Variants in SLC10A4 observed in about 807,000 individuals in gnomAD.
SLC10A4 encodes the protein putative sodium/bile acid cotransporter 4.
In SLC10A4, 17 loss-of-function variants were observed where a neutral mutation model predicts 22.5. The ratio of observed to expected loss-of-function variants is 0.76; its 90% confidence interval spans 0.52 to 1.14. SLC10A4 has a LOEUF of 1.14. Ranked by LOEUF, SLC10A4 falls within the 50% of genes most tolerant of loss-of-function variation. The pLI, the probability that SLC10A4 is intolerant of heterozygous loss-of-function variation, is 0.00. For synonymous variants in SLC10A4, 257 were observed against 258.2 expected (o/e 1.00, Z 0.04); for missense variants, 548 against 584.0 (o/e 0.94, Z 0.64).
Position 48,483,515 on chromosome 4 carries a change from G to A in SLC10A4, c.-47G>A, listed in dbSNP as rs1366972785. On this transcript the variant is annotated 5_prime_UTR_variant, in exon 1 of 3. Transcript: ENST00000273861. The surrounding 1 kb of genome is among the most constrained non-coding windows in gnomAD (Gnocchi z 5.4). ...GACTGCGGCGACCGCGGGACGGCGAGAGGCACGCGGCGGGAGGGGACCGGA... is the reference window on the plus strand; with the variant it reads ...GACTGCGGCGACCGCGGGACGGCGAAAGGCACGCGGCGGGAGGGGACCGGA... 4.2e-6 allele frequency: 6 copies of A among 1,432,656 alleles called. No individual in the cohort carries two copies. Among genetic ancestry groups the A allele is most frequent in the Non-Finnish European group, 5.5e-6 (6 of 1,086,408 alleles). The allele number at this position is 1,432,656 out of a possible 1,614,324, so 88.7% of individuals were successfully genotyped here. A position where few individuals can be genotyped will look rare whatever the true frequency, so the allele number is the denominator to read the frequency against.
At position 48,483,960 on chromosome 4, in the gene SLC10A4, C is replaced by G; in HGVS notation, c.399C>G (p.Val133=). ...ACGTGAACCACTTCGGGGCGCACGT[C>G]CGTCGGCCCGTGGGCGCGCTGCTGG... The part of the protein sequence containing the change: ...TVDVNHFGAH[V]RRPVGALLAA... The change falls in exon 1 of 3, where the codon GTC becomes GTG. Residue 133 remains valine (V), a synonymous_variant. Coordinates refer to ENST00000273861, the MANE Select transcript of SLC10A4 (RefSeq NM_152679.4). This position sits in a 1 kb window ranked among gnomAD's most constrained non-coding sequence, Gnocchi z 5.4. The G allele has an allele frequency of 6.5e-7, 1 of 1,547,010 alleles. No individual in the cohort carries two copies. Among genetic ancestry groups the G allele is most frequent in the East Asian group, 2.4e-5 (1 of 41,668 alleles).
Position 48,488,749 on chromosome 4 carries a change from CG to C in SLC10A4, c.1128del (p.Ile377PhefsTer4). The C allele has an allele frequency of 6.2e-7, 1 of 1,613,872 alleles. No individual in the cohort carries two copies. Among genetic ancestry groups the C allele is most frequent in the Non-Finnish European group, 8.5e-7 (1 of 1,179,996 alleles). On this transcript the variant is annotated frameshift_variant, in exon 3 of 3. Transcript: ENST00000273861. LOFTEE classifies it high-confidence loss of function. ...TATGCACTTTTCCAGTCTGCAGAAG[CG>C]GGGATTTTTGTTTTAATCTATAAAA... ...LLYALFQSAE[A>X]GIFVLIYKMY...
At chr4:48,486,410 G>A (rs1276032306) in intron 2 of SLC10A4, among the ~76,000 whole-genome samples, 2 of 151,532 alleles carry the variant, frequency 1.3e-5, no homozygotes, top group Non-Finnish European at 2.9e-5. Context: ...TGCTATTAAT[G>A]TGATGGCATT....
chr4:48,484,812 G>A, intron 1 of SLC10A4, 120 bp from the exon 2 acceptor site: 1 of 904,724 alleles, frequency 1.1e-6, no homozygotes, highest in Non-Finnish European at 1.7e-6. Flanking sequence ...GTTCTGCCCA[G>A]ACTTCAACCC....
chr4:48,488,675 G>A lies in SLC10A4; in HGVS notation c.1050G>A (p.Leu350=). 1 of 1,613,984 alleles carries A rather than the reference G, an allele frequency of 6.2e-7. No homozygotes were observed. Among genetic ancestry groups the A allele is most frequent in the South Asian group, 1.1e-5 (1 of 91,062 alleles). ...NVQLCTAILK[L]AFPPQFIGSM... The stretch of plus-strand genomic sequence containing the variant: ...AGCTCTGTACAGCCATTCTAAAACT[G>A]GCCTTTCCACCGCAATTCATAGGAA... The change falls in exon 3 of 3, where the codon CTG becomes CTA. Residue 350 remains leucine (L), a synonymous_variant. Transcript: ENST00000273861.
Position 48,489,119 on chromosome 4 carries a change from G to A in SLC10A4, c.*180G>A. On this transcript the variant is annotated 3_prime_UTR_variant, in exon 3 of 3. Transcript: ENST00000273861. The stretch of plus-strand genomic sequence containing the variant: ...ACGTTGTCACAAATTACAAATCAAT[G>A]CTGTAATATAATTTGCACCTGGAAT... 1 of 687,218 alleles carries A rather than the reference G, an allele frequency of 1.5e-6. No homozygotes were observed. Among genetic ancestry groups the A allele is most frequent in the Non-Finnish European group, 2.3e-6 (1 of 444,008 alleles). 42.6% of individuals were successfully genotyped at this position (687,218 alleles called of 1,614,324 possible). A position where few individuals can be genotyped will look rare whatever the true frequency, so the allele number is the denominator to read the frequency against.
chr4:48,487,556 T>C (rs1341861045), intron 2 of SLC10A4, among the ~76,000 whole-genome samples: 1 of 152,196 alleles, frequency 6.6e-6, no homozygotes, highest in Non-Finnish European at 1.5e-5. Flanking sequence ...GATCAGACCA[T>C]ACCTGGGGTA....
rs758112847 is a variant in SLC10A4 at position 48,488,601 on chromosome 4, C to T, written c.976C>T (p.Pro326Ser). The T allele has an allele frequency of 1.2e-6, 2 of 1,614,048 alleles. No homozygotes were observed. The highest frequency in any genetic ancestry group is 1.7e-5 in the Admixed American group (1 of 60,010). ...YGLATLFHLP[P>S]NCKRTVCLET... The stretch of plus-strand genomic sequence containing the variant: ...TTTAGCTACTCTCTTCCATCTTCCA[C>T]CCAACTGCAAGAGGACTGTATGTCT... Residue 326 changes from proline (P) to serine (S), a missense_variant, in exon 3 of 3, where the codon CCC becomes TCC. Physicochemically the swap from Pro to Ser is moderately conservative, Grantham distance 74. This residue lies in a region of SLC10A4 where 314 missense variants were observed against 353.2 expected (regional missense o/e 0.89). Coordinates refer to ENST00000273861, the MANE Select transcript of SLC10A4 (RefSeq NM_152679.4).
Position 48,489,013 on chromosome 4 carries a change from G to A in SLC10A4, c.*74G>A. ...TTTATAGCCTGTGGTAGTGCACATG[G>A]TTAACATAAAAGATAACACTGGTTC... On this transcript the variant is annotated 3_prime_UTR_variant, in exon 3 of 3. Transcript: ENST00000273861. 1 of 1,474,922 alleles carries A rather than the reference G, an allele frequency of 6.8e-7. No individual in the cohort carries two copies. Among genetic ancestry groups the A allele is most frequent in the African/African-American group, 1.4e-5 (1 of 70,754 alleles). The allele number at this position is 1,474,922 out of a possible 1,614,324, so 91.4% of individuals were successfully genotyped here. A position where few individuals can be genotyped will look rare whatever the true frequency, so the allele number is the denominator to read the frequency against.
At chr4:48,485,386 C>A (rs1203809936) in intron 2 of SLC10A4, among the ~76,000 whole-genome samples, 1 of 152,142 alleles carries the variant, frequency 6.6e-6, no homozygotes, top group African/African-American at 2.4e-5. Context: ...ACTATCAGTA[C>A]TCATTGGAAG....
In SLC10A4 at chr4:48,483,401, G is replaced by C; in HGVS notation, c.-161G>C. On this transcript the variant is annotated 5_prime_UTR_variant, in exon 1 of 3. Coordinates refer to ENST00000273861, the MANE Select transcript of SLC10A4 (RefSeq NM_152679.4). The surrounding 1 kb of genome is among the most constrained non-coding windows in gnomAD (Gnocchi z 5.4). ...TGCGGGCGGCTGCAGACCTGGGAGCGGAGACCGGCCCGCCGCCCCCGACGC... is the reference window on the plus strand; with the variant it reads ...TGCGGGCGGCTGCAGACCTGGGAGCCGAGACCGGCCCGCCGCCCCCGACGC... 6.9e-6 allele frequency: 3 copies of C among 435,624 alleles called. 1 individual carries two copies. Among genetic ancestry groups the C allele is most frequent in the South Asian group, 1.4e-4 (2 of 14,794 alleles). The allele number at this position is 435,624 out of a possible 1,614,324, so 27.0% of individuals were successfully genotyped here.
Position 48,484,487 on chromosome 4 carries a change from GTCTGAACTAGAAC to G in SLC10A4, c.590+339_590+351del, listed in dbSNP as rs1718246087. On this transcript the variant is annotated intron_variant, in intron 1 of 2. Transcript: ENST00000273861. Reference sequence around the variant, plus strand: ...CAGTGGAAGACAAAGAGAAGGGGGAGTCTGAACTAGAACTCGCCGGCAACGTAAAAGTAAAATA... The same window carrying G: ...CAGTGGAAGACAAAGAGAAGGGGGAGTCGCCGGCAACGTAAAAGTAAAATA... Among the ~76,000 whole-genome samples, 7 of 152,342 alleles carry G rather than the reference GTCTGAACTAGAAC, an allele frequency of 4.6e-5. No homozygotes were observed. The South Asian group carries it at 1.5e-3, about 32-fold the overall frequency.
Position 48,483,502 on chromosome 4 carries a change from C to T in SLC10A4, c.-60C>T. On this transcript the variant is annotated 5_prime_UTR_variant, in exon 1 of 3. Transcript: ENST00000273861. The surrounding 1 kb of genome is among the most constrained non-coding windows in gnomAD (Gnocchi z 5.4). ...AACGACGGGCGGCGACTGCGGCGACCGCGGGACGGCGAGAGGCACGCGGCG... is the reference window on the plus strand; with the variant it reads ...AACGACGGGCGGCGACTGCGGCGACTGCGGGACGGCGAGAGGCACGCGGCG... 7.2e-7 allele frequency: 1 copy of T among 1,381,708 alleles called. No individual in the cohort carries two copies. Among genetic ancestry groups the T allele is most frequent in the South Asian group, 1.4e-5 (1 of 71,380 alleles). 85.6% of individuals were successfully genotyped at this position (1,381,708 alleles called of 1,614,324 possible).
rs531306450 is a variant in SLC10A4, at chr4:48,488,305, T to G, written c.802-122T>G. On this transcript the variant is annotated intron_variant, in intron 2 of 2. Coordinates refer to ENST00000273861, the MANE Select transcript of SLC10A4 (RefSeq NM_152679.4). ...GGTGGCCTGCCCATCTTCAGAAATATTCTGTCAAAGGTCTCCATTTTGTGT... is the reference window on the plus strand; with the variant it reads ...GGTGGCCTGCCCATCTTCAGAAATAGTCTGTCAAAGGTCTCCATTTTGTGT... The G allele has an allele frequency of 7.0e-5, 61 of 871,466 alleles. No individual in the cohort carries two copies. In the South Asian group the frequency reaches 9.7e-4, roughly 14 times the overall value. The allele number at this position is 871,466 out of a possible 1,614,324, so 54.0% of individuals were successfully genotyped here.
In SLC10A4 at chr4:48,484,050, G is replaced by A; in HGVS notation, c.489G>A (p.Leu163=). Residue 163 remains leucine, a synonymous_variant, in exon 1 of 3, where the codon CTG becomes CTA. Transcript: ENST00000273861. The part of the protein sequence containing the change: ...LAFLLALAFK[L]DEVAAVAVLL... ...TCCTGCTGGCCCTCGCCTTCAAGCT[G>A]GACGAGGTGGCCGCCGTGGCGGTGC... 2 of 1,602,488 alleles carry A rather than the reference G, an allele frequency of 1.2e-6. No homozygotes were observed.
chr4:48,487,283 G>T (rs138952690), intron 2 of SLC10A4, among the ~76,000 whole-genome samples: 1 of 152,272 alleles, frequency 6.6e-6, no homozygotes, highest in Non-Finnish European at 1.5e-5. Flanking sequence ...AAATAAAAAA[G>T]GGGAAAGTTG....
rs1718346979 is a variant in SLC10A4, at chr4:48,489,400, A to G, written c.*461A>G. On this transcript the variant is annotated 3_prime_UTR_variant, in exon 3 of 3. Coordinates refer to ENST00000273861, the MANE Select transcript of SLC10A4 (RefSeq NM_152679.4). ...TGACCTGTATTCAGAAGAATTCCAAAACAGGTCAGTTAAATAAGGAAATAT... is the reference window on the plus strand; with the variant it reads ...TGACCTGTATTCAGAAGAATTCCAAGACAGGTCAGTTAAATAAGGAAATAT... Among the ~76,000 whole-genome samples, 1 of 152,252 alleles carries G rather than the reference A, an allele frequency of 6.6e-6. No individual in the cohort carries two copies. Among genetic ancestry groups the G allele is most frequent in the African/African-American group, 2.4e-5 (1 of 41,458 alleles).
chr4:48,485,003 G>T lies in SLC10A4; in HGVS notation c.662G>T (p.Trp221Leu). The T allele has an allele frequency of 1.9e-6, 3 of 1,614,082 alleles. No homozygotes were observed. In the South Asian group the frequency reaches 3.3e-5, roughly 18 times the overall value. ...CCCCTGTGCCTGTGGATCTACAGCTGGGCTTGGATCAACACCCCTATCGTG... is the reference window on the plus strand; with the variant it reads ...CCCCTGTGCCTGTGGATCTACAGCTTGGCTTGGATCAACACCCCTATCGTG... Reference protein sequence around the residue: ...LMPLCLWIYSWAWINTPIVQL... With the variant: ...LMPLCLWIYSLAWINTPIVQL... The change falls in exon 2 of 3, where the codon TGG becomes TTG. Residue 221 changes from tryptophan (W) to leucine (L), a missense_variant. This residue lies in a region of SLC10A4 where 314 missense variants were observed against 353.2 expected (regional missense o/e 0.89). Coordinates refer to ENST00000273861, the MANE Select transcript of SLC10A4 (RefSeq NM_152679.4).
At position 48,483,615 on chromosome 4, in the gene SLC10A4, C is replaced by T; in HGVS notation, c.54C>T (p.Asn18=). The change falls in exon 1 of 3, where the codon AAC becomes AAT. Residue 18 remains asparagine (N), a synonymous_variant. Coordinates refer to ENST00000273861, the MANE Select transcript of SLC10A4 (RefSeq NM_152679.4). This position sits in a 1 kb window ranked among gnomAD's most constrained non-coding sequence, Gnocchi z 5.4. ...TCTTCGCCCCTCTGCTGCGGGACAA[C>T]TACACCCTGGCGCCCAATGCCAGCA... The part of the protein sequence containing the change: ...TLLFAPLLRD[N]YTLAPNASSL... 2 of 1,500,220 alleles carry T rather than the reference C, an allele frequency of 1.3e-6. No homozygotes were observed. The highest frequency in any genetic ancestry group is 1.8e-6 in the Non-Finnish European group (2 of 1,128,580). The allele number at this position is 1,500,220 out of a possible 1,614,324, so 92.9% of individuals were successfully genotyped here. A position where few individuals can be genotyped will look rare whatever the true frequency, so the allele number is the denominator to read the frequency against.
Sources: allele counts gnomAD v4.1 joint callset (sites outside exome capture counted in the v4.1 genomes callset), GRCh38; gene constraint gnomAD v4.1.1; regional missense constraint gnomAD v4.1.1; non-coding constraint Gnocchi (gnomAD v3.1); transcripts MANE v1.5; gene names NCBI Gene and HGNC (gene_info 2026-07-23, HGNC 2026-07-21).